PLXDC2: variants seen among roughly 807,000 people sequenced by gnomAD.
PLXDC2 encodes the protein plexin domain containing 2, also known as plexin domain-containing protein 2.
PLXDC2 carries 40 observed loss-of-function variants against 68.9 expected under a neutral mutation model. The ratio of observed to expected loss-of-function variants is 0.58; its 90% CI spans 0.45 to 0.76. PLXDC2 has a LOEUF of 0.76. PLXDC2 is among the 30% of genes least tolerant of loss of function. The pLI, the probability that PLXDC2 is intolerant of heterozygous loss-of-function variation, is 0.00. For missense variants in PLXDC2, 644 were observed against 661.9 expected (o/e 0.97, Z 0.30); for synonymous variants, 243 against 234.2 (o/e 1.04, Z -0.34).
chr10:19,839,186 C>CAAAA (rs3043806), intron 1 of PLXDC2, among the ~76,000 whole-genome samples: 1 of 100,982 alleles, frequency 9.9e-6, no homozygotes, highest in African/African-American at 4.0e-5. Flanking sequence ...AACTCAGTCT[C>CAAAA]AAAAAAAAAA....
intron 4 of PLXDC2, among the ~76,000 whole-genome samples, chr10:20,101,924 A>G (rs1322600019): frequency 2.0e-5 from 3 of 151,810 alleles, no homozygotes; most frequent in Non-Finnish European, 2.9e-5. Flanking sequence ...CAGCTTCCCG[A>G]GTAGCTGGGA....
intron 1 of PLXDC2, among the ~76,000 whole-genome samples, chr10:19,869,603 T>G (rs892928840): frequency 6.6e-6 from 1 of 152,026 alleles, no homozygotes; most frequent in Non-Finnish European, 1.5e-5. Flanking sequence ...AATTAAAGAA[T>G]AAGCACAATG....
chr10:19,832,873 C>T (rs987780813), intron 1 of PLXDC2, among the ~76,000 whole-genome samples: 3 of 152,188 alleles, frequency 2.0e-5, no homozygotes, highest in African/African-American at 4.8e-5. Flanking sequence ...GCTTTTGACG[C>T]CAGATGGGCT....
chr10:19,843,717 A>T (rs1836947960), intron 1 of PLXDC2, among the ~76,000 whole-genome samples: 1 of 152,170 alleles, frequency 6.6e-6, no homozygotes, highest in African/African-American at 2.4e-5. Context: ...GAGCTAAAAA[A>T]ATGTGATCTC....
chr10:19,856,236 A>G (rs896287200), intron 1 of PLXDC2, among the ~76,000 whole-genome samples: 1 of 152,212 alleles, frequency 6.6e-6, no homozygotes, highest in Non-Finnish European at 1.5e-5. Flanking sequence ...TATTGTTTAC[A>G]TATATATGCT....
intron 4 of PLXDC2, among the ~76,000 whole-genome samples, chr10:20,095,290 G>A (rs1833335379): frequency 6.6e-6 from 1 of 152,128 alleles, no homozygotes; most frequent in African/African-American, 2.4e-5. Flanking sequence ...TAATCCTACA[G>A]TATTAGACAG....
At chr10:20,223,334 A>G (rs917505904) in intron 12 of PLXDC2, among the ~76,000 whole-genome samples, 1 of 129,410 alleles carries the variant, frequency 7.7e-6, no homozygotes, top group African/African-American at 2.9e-5. Context: ...TTTTTTTGAG[A>G]TGGAGTCTCG....
chr10:19,820,329 G>A (rs1344482612), intron 1 of PLXDC2, among the ~76,000 whole-genome samples: 2 of 152,144 alleles, frequency 1.3e-5, no homozygotes, highest in East Asian at 1.9e-4. Flanking sequence ...TACTCACAGA[G>A]TATGTAGAAA....
At chr10:20,257,152 T>TCAGAGTTTCTGAC (rs1284747597) in intron 13 of PLXDC2, among the ~76,000 whole-genome samples, 15 of 152,206 alleles carry the variant, frequency 9.9e-5, no homozygotes, top group African/African-American at 3.6e-4. Context: ...CACTCACAGG[T>TCAGAGTTTCTGAC]ACTCAGAGAT....
intron 1 of PLXDC2, among the ~76,000 whole-genome samples, chr10:19,933,898 G>C (rs1421441446): frequency 6.6e-6 from 1 of 151,014 alleles, no homozygotes; most frequent in Non-Finnish European, 1.5e-5. Context: ...GAAGGAAAGA[G>C]AAAGAAAGGA....
chr10:20,257,839 A>G (rs1347880812), intron 13 of PLXDC2, among the ~76,000 whole-genome samples: 1 of 151,900 alleles, frequency 6.6e-6, no homozygotes, highest in Admixed American at 6.6e-5. Context: ...TTATGGCTAC[A>G]TAGTAGGTGT....
chr10:20,023,220 A>G (rs1835343177), intron 2 of PLXDC2, among the ~76,000 whole-genome samples: 1 of 151,880 alleles, frequency 6.6e-6, no homozygotes, highest in Admixed American at 6.6e-5. Flanking sequence ...ACATGATAGA[A>G]TAAATGATCG....
chr10:20,059,025 G>A (rs2131696946), intron 3 of PLXDC2, among the ~76,000 whole-genome samples: 1 of 152,302 alleles, frequency 6.6e-6, no homozygotes, highest in South Asian at 2.1e-4. Flanking sequence ...GGCAGTATCA[G>A]AAGTACCAGG....
intron 1 of PLXDC2, among the ~76,000 whole-genome samples, chr10:19,913,762 C>A (rs1200134563): frequency 6.6e-6 from 1 of 152,106 alleles, no homozygotes; most frequent in African/African-American, 2.4e-5. Context: ...GAATTACTTT[C>A]ATTATTATTT....
chr10:20,068,064 T>C, intron 3 of PLXDC2, 106 bp from the exon 4 acceptor site: 2 of 883,260 alleles, frequency 2.3e-6, no homozygotes, highest in Non-Finnish European at 3.5e-6. Context: ...ACAATAATTA[T>C]GGGGTAAAGT....
chr10:20,239,560 C>T (rs2119323459), intron 12 of PLXDC2, among the ~76,000 whole-genome samples: 1 of 152,250 alleles, frequency 6.6e-6, no homozygotes, highest in African/African-American at 2.4e-5. Flanking sequence ...GACTCACTAT[C>T]ACAAGAACAG....
At chr10:19,999,156 G>A (rs1235001986) in intron 1 of PLXDC2, among the ~76,000 whole-genome samples, 8 of 152,144 alleles carry the variant, frequency 5.3e-5, no homozygotes, top group Admixed American at 1.3e-4. Context: ...TAGGCATTCC[G>A]TTTACTTTCT....
At chr10:20,195,946 G>C (rs2131843415) in intron 9 of PLXDC2, among the ~76,000 whole-genome samples, 1 of 152,198 alleles carries the variant, frequency 6.6e-6, no homozygotes, top group Middle Eastern at 3.4e-3. Context: ...CTTTGTCCAA[G>C]GCACCAACAA....
At chr10:19,864,187 T>G (rs1325104340) in intron 1 of PLXDC2, among the ~76,000 whole-genome samples, 1 of 152,108 alleles carries the variant, frequency 6.6e-6, no homozygotes, top group Non-Finnish European at 1.5e-5. Context: ...AATTTTTTTG[T>G]AGAGATAGGG....
Sources: gnomAD v4.1 joint callset for allele counts (sites outside exome capture counted in the v4.1 genomes callset) on GRCh38, gnomAD v4.1.1 for gene constraint, MANE v1.5 for transcripts, NCBI Gene and HGNC (gene_info 2026-07-23, HGNC 2026-07-21) for gene names.